Variants in VWF observed in about 807,000 individuals in gnomAD.
The protein encoded by VWF is Factor VIII related antigen.
VWF carries 176 observed loss-of-function variants against 308.6 expected under a neutral mutation model. The ratio of observed to expected loss-of-function variants is 0.57; its 90% CI spans 0.50 to 0.65. VWF has a LOEUF of 0.65. Among genes scored for constraint, VWF ranks in the 30% least tolerant of loss-of-function variants. The probability of loss-of-function intolerance (pLI) is 0.00; values close to 1 mark genes in which losing one functional copy is unlikely to be tolerated. For missense variants in VWF, 3,146 were observed against 3,648.2 expected (o/e 0.86, Z 3.55); for synonymous variants, 1,385 against 1,443.4 (o/e 0.96, Z 0.92).
chr12:6,082,233 G>C (rs1465597448), intron 6 of VWF, among the ~76,000 whole-genome samples: 1 of 152,110 alleles, frequency 6.6e-6, no homozygotes, highest in East Asian at 1.9e-4. Context: ...CCAAAGTGCT[G>C]GGATTGCAGG....
chr12:6,057,804 C>G (rs1404424299), intron 14 of VWF, 45 bp downstream of exon 14: 5 of 1,565,834 alleles, frequency 3.2e-6, no homozygotes, highest in African/African-American at 1.4e-5. Context: ...ATGTGGAGAC[C>G]TCGAGATTCT....
At chr12:5,952,795 G>T (rs1943207102) in intron 48 of VWF, among the ~76,000 whole-genome samples, 1 of 152,202 alleles carries the variant, frequency 6.6e-6, no homozygotes, top group South Asian at 2.1e-4. Context: ...CTGGCTAGCT[G>T]ATAACTGAAC....
intron 6 of VWF, among the ~76,000 whole-genome samples, chr12:6,090,512 C>G (rs1267776322): frequency 6.6e-6 from 1 of 152,138 alleles, no homozygotes; most frequent in Non-Finnish European, 1.5e-5. Context: ...GTGTGCTTGT[C>G]CTGCTTCTGC....
chr12:6,077,174 G>C (rs927531011), intron 6 of VWF, among the ~76,000 whole-genome samples: 3 of 152,218 alleles, frequency 2.0e-5, no homozygotes, highest in Non-Finnish European at 4.4e-5. Context: ...GTGGGGCGTG[G>C]TGGCGCATGC....
Position 6,058,727 on chromosome 12 carries a change from G to A in VWF, c.1534-683C>T, listed in dbSNP as rs1944622928. On this transcript the variant is annotated intron_variant, in intron 13 of 51. Coordinates refer to ENST00000261405, the MANE Select transcript of VWF (RefSeq NM_000552.5). The surrounding 1 kb of genome is among the most constrained non-coding windows in gnomAD (Gnocchi z 4.9). ...AGGCTCTGAGGCAGCCTGCCAGGGT[G>A]ACAGCAGCAAAGCAGCGGCACAGTT... Among the ~76,000 whole-genome samples, 1 of 152,218 alleles carries A rather than the reference G, an allele frequency of 6.6e-6. No individual in the cohort carries two copies. The highest frequency in any genetic ancestry group is 2.1e-4 in the South Asian group (1 of 4,832).
chr12:6,037,255 T>C lies in VWF; in HGVS notation c.2443-764A>G, dbSNP rs114593822. On this transcript the variant is annotated intron_variant, in intron 18 of 51. Coordinates refer to ENST00000261405, the MANE Select transcript of VWF (RefSeq NM_000552.5). ...TTTTCCAAGTGTTCTTCAATGAGCATGTATTATGTTTATAATTAAAGAAAA... is the reference window on the plus strand; with the variant it reads ...TTTTCCAAGTGTTCTTCAATGAGCACGTATTATGTTTATAATTAAAGAAAA... Among the ~76,000 whole-genome samples, 253 of 152,328 alleles carry C rather than the reference T, an allele frequency of 1.7e-3. 2 individuals are homozygous for C. Among genetic ancestry groups the C allele is most frequent in the African/African-American group, 5.5e-3 (227 of 41,562 alleles).
chr12:6,105,212 G>A lies in VWF; in HGVS notation c.532+5162C>T, dbSNP rs567894534. ...CAATCTGTGCATGTAACAAAATTGC[G>A]CTTGTACCCCATAAATTTATACAAT... On this transcript the variant is annotated intron_variant, in intron 5 of 51. Transcript: ENST00000261405. Among the ~76,000 whole-genome samples, 317 of 152,122 alleles carry A rather than the reference G, an allele frequency of 2.1e-3. 6 individuals are homozygous for A. The highest frequency in any genetic ancestry group is 7.4e-3 in the African/African-American group (307 of 41,502).
At chr12:6,105,706 T>C (rs1411424673) in intron 5 of VWF, among the ~76,000 whole-genome samples, 2 of 152,102 alleles carry the variant, frequency 1.3e-5, no homozygotes, top group Admixed American at 1.3e-4. Flanking sequence ...GAATTGCCAT[T>C]AGAAATCATC....
At chr12:6,054,688 GA>G (rs995022360) in intron 15 of VWF, among the ~76,000 whole-genome samples, 7 of 152,048 alleles carry the variant, frequency 4.6e-5, no homozygotes, top group Non-Finnish European at 8.8e-5. Context: ...TTTGCAAGAG[GA>G]AAAAAAATGT....
rs564949705 is a variant in VWF at position 6,103,430 on chromosome 12, A to G, written c.532+6944T>C. 7.7e-3 allele frequency among the ~76,000 whole-genome samples: 893 copies of G among 115,632 alleles called. 122 individuals carry two copies. The highest frequency in any genetic ancestry group is 0.031 in the African/African-American group (741 of 23,618). 75.9% of individuals were successfully genotyped at this position (115,632 alleles called of 152,430 possible). A position where few individuals can be genotyped will look rare whatever the true frequency, so the allele number is the denominator to read the frequency against. Reference sequence around the variant, plus strand: ...TGTATACACACGTGTGTGTATACACACGTGTGTATATACATACACATATAT... The same window carrying G: ...TGTATACACACGTGTGTGTATACACGCGTGTGTATATACATACACATATAT... On this transcript the variant is annotated intron_variant, in intron 5 of 51. Transcript: ENST00000261405.
Position 6,019,668 on chromosome 12 carries a change from G to A in VWF, c.3750C>T (p.Ala1250=). ...CATACAGAGTGGTGGGGCTCACCGGGGCATCTGTGGGAGGCACCACCAGGC... is the reference window on the plus strand; with the variant it reads ...CATACAGAGTGGTGGGGCTCACCGGAGCATCTGTGGGAGGCACCACCAGGC... The part of the protein sequence containing the change: ...PGGLVVPPTD[A]PVSPTTLYVE... The change falls in exon 28 of 52, where the codon GCC becomes GCT. Residue 1250 remains alanine (A), a synonymous_variant. Transcript: ENST00000261405. The surrounding 1 kb of genome is among the most constrained non-coding windows in gnomAD (Gnocchi z 5.8). 2 of 1,613,840 alleles carry A rather than the reference G, an allele frequency of 1.2e-6. No individual in the cohort carries two copies. Among genetic ancestry groups the A allele is most frequent in the South Asian group, 1.1e-5 (1 of 91,064 alleles).
At chr12:5,977,421 T>G (rs1943544163) in intron 42 of VWF, among the ~76,000 whole-genome samples, 1 of 152,174 alleles carries the variant, frequency 6.6e-6, no homozygotes, top group African/African-American at 2.4e-5. Flanking sequence ...AAGGCAGATC[T>G]CTACACACTG....
At chr12:5,987,813 A>C (rs1435309185) in intron 38 of VWF, among the ~76,000 whole-genome samples, 1 of 152,238 alleles carries the variant, frequency 6.6e-6, no homozygotes, top group Non-Finnish European at 1.5e-5. Context: ...AGTGACAGAA[A>C]GCAGACCAGT....
At chr12:6,084,124 C>T (rs1944944550) in intron 6 of VWF, among the ~76,000 whole-genome samples, 1 of 152,218 alleles carries the variant, frequency 6.6e-6, no homozygotes, top group African/African-American at 2.4e-5. Flanking sequence ...CTAACTGACA[C>T]AGACAGCAGT....
At chr12:6,055,839 A>G (rs1446896907) in intron 15 of VWF, among the ~76,000 whole-genome samples, 1 of 150,060 alleles carries the variant, frequency 6.7e-6, no homozygotes, top group African/African-American at 2.5e-5. Context: ...CAGTGGTGCG[A>G]TCATAACTCA....
chr12:5,998,236 T>C (rs559614461), intron 34 of VWF, among the ~76,000 whole-genome samples: 133 of 151,862 alleles, frequency 8.8e-4, no homozygotes, highest in South Asian at 3.3e-3. Flanking sequence ...CAGTGGCTCA[T>C]ACCTGTAATC....
At chr12:6,034,855 G>C (rs764528269) in intron 19 of VWF, 29 bp from the exon 20 acceptor site, 1 of 1,612,108 alleles carries the variant, frequency 6.2e-7, no homozygotes, top group Non-Finnish European at 8.5e-7. Flanking sequence ...GAGATGACAA[G>C]TTGGGCACCT....
rs897378328 is a variant in VWF, at chr12:6,031,465, C to A, written c.2799G>T (p.Glu933Asp). 29 of 1,614,058 alleles carry A rather than the reference C, an allele frequency of 1.8e-5. No homozygotes were observed. Among genetic ancestry groups the A allele is most frequent in the Non-Finnish European group, 2.5e-5 (29 of 1,180,044 alleles). Residue 933 changes from glutamate to aspartate, a missense_variant, in exon 21 of 52, where the codon GAG becomes GAT. Transcript: ENST00000261405. ...TTACCTCCCCGTCAAACAGCTCAAT[C>A]TCTCCTCCCTCCACCAGGATGGTGA... ...KRVTILVEGG[E>D]IELFDGEVNV...
intron 43 of VWF, among the ~76,000 whole-genome samples, chr12:5,974,541 C>T (rs1430745126): frequency 6.6e-6 from 1 of 152,204 alleles, no homozygotes; most frequent in Non-Finnish European, 1.5e-5. Flanking sequence ...GGACCCGATC[C>T]AAGGGCTGAG....
Sources: gnomAD v4.1 joint callset for allele counts (sites outside exome capture counted in the v4.1 genomes callset) on GRCh38, gnomAD v4.1.1 for gene constraint, Gnocchi (gnomAD v3.1) non-coding constraint, MANE v1.5 for transcripts, NCBI Gene and HGNC (gene_info 2026-07-23, HGNC 2026-07-21) for gene names.